Variants in STRN4 observed in about 807,000 individuals in gnomAD.
STRN4 encodes striatin-4.
Under a neutral mutation model 77.9 loss-of-function variants are expected in STRN4, and 27 were observed. That is an observed-to-expected ratio of 0.35 (90% CI 0.26 to 0.48). STRN4 has a LOEUF of 0.48. Ranked by LOEUF, STRN4 falls within the 20% of genes least tolerant of loss-of-function variation. STRN4 has a pLI of 0.99. For missense variants in STRN4, 798 were observed against 1,049.7 expected, an observed-to-expected ratio of 0.76 and a Z score of 3.31; for synonymous variants, 466 against 443.1, an observed-to-expected ratio of 1.05 and a Z score of -0.65.
chr19:46,736,816 C>T lies in STRN4; in HGVS notation c.539+7G>A. ...TGTCCCCAGCCCCCCTCCCCGAGCACACTCACTGTCGGAGAAGCTGCCGCC... is the reference window on the plus strand; with the variant it reads ...TGTCCCCAGCCCCCCTCCCCGAGCATACTCACTGTCGGAGAAGCTGCCGCC... On this transcript the variant is annotated splice_region_variant and intron_variant, in intron 4 of 17. Coordinates refer to ENST00000263280, the MANE Select transcript of STRN4 (RefSeq NM_013403.3). 6.2e-7 allele frequency: 1 copy of T among 1,612,152 alleles called. No individual in the cohort carries two copies. Among genetic ancestry groups the T allele is most frequent in the South Asian group, 1.1e-5 (1 of 90,794 alleles).
chr19:46,736,089 C>T (rs901419799), intron 4 of STRN4: 1 of 152,084 alleles, frequency 6.6e-6, no homozygotes. Context: ...GCCTGGCCAA[C>T]ATGCTGAAAC....
chr19:46,733,526 T>C lies in STRN4; in HGVS notation c.540-290A>G, dbSNP rs73565188. On this transcript the variant is annotated intron_variant, in intron 4 of 17. Coordinates refer to ENST00000263280, the MANE Select transcript of STRN4 (RefSeq NM_013403.3). The surrounding 1 kb of genome is among the most constrained non-coding windows in gnomAD (Gnocchi z 4.3). ...CACCGACAGGGGCTGTGTCAGCAAA[T>C]GACTCATAGCGCTGCAAGGCAGAAG... 13,821 of 396,818 alleles carry C rather than the reference T, an allele frequency of 0.035. 1,233 individuals carry two copies. The highest frequency in any genetic ancestry group is 0.22 in the African/African-American group (10,706 of 48,794). The allele number at this position is 396,818 out of a possible 1,614,324, so 24.6% of individuals were successfully genotyped here.
intron 16 of STRN4, 117 bp from the exon 17 acceptor site, chr19:46,720,888 C>T (rs2053961314): frequency 8.3e-7 from 1 of 1,199,042 alleles, no homozygotes; most frequent in South Asian, 1.9e-5. Flanking sequence ...CTCAACTCTC[C>T]TCTCTCACCC....
intron 4 of STRN4, 22 bp downstream of exon 4, chr19:46,736,801 C>T: frequency 1.2e-6 from 2 of 1,610,994 alleles, no homozygotes; most frequent in Non-Finnish European, 1.7e-6. Context: ...TGTCCCCAGC[C>T]CCCCTCCCCG....
chr19:46,727,217 C>T (rs921485331), intron 9 of STRN4, among the ~76,000 whole-genome samples: 5 of 152,190 alleles, frequency 3.3e-5, no homozygotes, highest in Admixed American at 2.6e-4. Flanking sequence ...TCCAAATCAC[C>T]AGGGTGGGAG....
intron 8 of STRN4, 145 bp downstream of exon 8, chr19:46,727,749 C>A (rs1313062901): frequency 2.5e-6 from 2 of 810,714 alleles, no homozygotes; most frequent in East Asian, 5.3e-5. Context: ...GGGAGACAGA[C>A]AGACAGACGA....
Position 46,746,245 on chromosome 19 carries a change from G to A in STRN4, c.186C>T (p.Pro62=), listed in dbSNP as rs755064179. 6 of 1,505,198 alleles carry A rather than the reference G, an allele frequency of 4.0e-6. No individual in the cohort carries two copies. Among genetic ancestry groups the A allele is most frequent in the South Asian group, 3.7e-5 (3 of 81,678 alleles). The allele number at this position is 1,505,198 out of a possible 1,614,324, so 93.2% of individuals were successfully genotyped here. The change falls in exon 1 of 18, where the codon CCC becomes CCT. Residue 62 remains proline (P), a synonymous_variant. Transcript: ENST00000263280. Reference sequence around the variant, plus strand: ...AGTGCAGGATCCCCGGCAGGCTCAGGGGCTCCGGGCCCGCCGTGGGCCCGG... The same window carrying A: ...AGTGCAGGATCCCCGGCAGGCTCAGAGGCTCCGGGCCCGCCGTGGGCCCGG... The part of the protein sequence containing the change: ...GSPGPTAGPE[P]LSLPGILHFI...
In STRN4 at chr19:46,725,510, T is replaced by C; in HGVS notation, c.1387A>G (p.Lys463Glu). The part of the protein sequence containing the change: ...LLTASEDGTL[K>E]LWNLQKAVTA... The stretch of plus-strand genomic sequence containing the variant: ...ACCGCCTTCTGCAGGTTCCAGAGCT[T>C]GAGCGTGCCGTCCTCGGAGGCGGTG... Residue 463 changes from lysine to glutamate, a missense_variant, in exon 10 of 18, where the codon AAG becomes GAG. Physicochemically the swap from Lys to Glu is moderately conservative, Grantham distance 56 (BLOSUM62 1). Transcript: ENST00000263280. 6.2e-7 allele frequency: 1 copy of C among 1,614,164 alleles called. No homozygotes were observed. The highest frequency in any genetic ancestry group is 8.5e-7 in the Non-Finnish European group (1 of 1,180,036).
In STRN4 at chr19:46,724,249, C is replaced by CAAAAAAAAAAAAAA. The variant is rs71970589; in HGVS notation, c.1594+544_1594+557dup. Reference sequence around the variant, plus strand: ...GGTGACAGAGTGAGACTCTTTGTCTCAAAAAAAAAAAAAAAAAAAAAAAAA... The same window carrying CAAAAAAAAAAAAAA: ...GGTGACAGAGTGAGACTCTTTGTCTCAAAAAAAAAAAAAAAAAAAAAAAAAAAAAAAAAAAAAAA... On this transcript the variant is annotated intron_variant, in intron 12 of 17. Transcript: ENST00000263280. Among the ~76,000 whole-genome samples the CAAAAAAAAAAAAAA allele has an allele frequency of 2.6e-3, 230 of 87,146 alleles. 15 individuals carry two copies. Among genetic ancestry groups the CAAAAAAAAAAAAAA allele is most frequent in the East Asian group, 0.013 (21 of 1,582 alleles). The allele number at this position is 87,146 out of a possible 152,430, so 57.2% of individuals were successfully genotyped here.
rs1440543829 is a variant in STRN4 at position 46,730,878 on chromosome 19, C to CAA, written c.738-7_738-6dup. ...CCATCTTTGCCTGCCGCGTTCCTGC[C>CAA]AAAGACAGCAGAGCAGAGGAGGCAT... On this transcript the variant is annotated splice_region_variant and splice_polypyrimidine_tract_variant and intron_variant, in intron 5 of 17. Coordinates refer to ENST00000263280, the MANE Select transcript of STRN4 (RefSeq NM_013403.3). The CAA allele has an allele frequency of 1.2e-6, 2 of 1,610,042 alleles. No individual in the cohort carries two copies. The highest frequency in any genetic ancestry group is 3.3e-5 in the Admixed American group (2 of 60,014).
chr19:46,721,736 G>A, intron 16 of STRN4: 1 of 486,488 alleles, frequency 2.1e-6, no homozygotes, highest in Non-Finnish European at 3.8e-6. Context: ...GCCCACATCT[G>A]TAAACTGGGG....
At chr19:46,737,952 A>T (rs905695695) in intron 3 of STRN4, among the ~76,000 whole-genome samples, 2 of 151,798 alleles carry the variant, frequency 1.3e-5, no homozygotes, top group African/African-American at 4.8e-5. Flanking sequence ...GCACAGGGGG[A>T]CCCAAGCGGG....
Position 46,735,435 on chromosome 19 carries a change from T to C in STRN4, c.539+1388A>G, listed in dbSNP as rs1323116695. Among the ~76,000 whole-genome samples, 7 of 152,216 alleles carry C rather than the reference T, an allele frequency of 4.6e-5. No individual in the cohort carries two copies. In the East Asian group the frequency reaches 1.4e-3, roughly 30 times the overall value. ...TCACTTGAGCTCAGATCAAGCCTGC[T>C]GTGGGCTCTGACTGCACCACTGTAC... On this transcript the variant is annotated intron_variant, in intron 4 of 17. Coordinates refer to ENST00000263280, the MANE Select transcript of STRN4 (RefSeq NM_013403.3).
chr19:46,735,495 A>AT (rs1434610728), intron 4 of STRN4, among the ~76,000 whole-genome samples: 1 of 152,070 alleles, frequency 6.6e-6, no homozygotes. Context: ...TTATTTATTT[A>AT]TTAAGATAAC....
At chr19:46,730,969 G>C in intron 5 of STRN4, 96 bp from the exon 6 acceptor site, 3 of 1,548,500 alleles carry the variant, frequency 1.9e-6, no homozygotes, top group Non-Finnish European at 2.6e-6. Context: ...CCAGAGCCCA[G>C]ACCCAGCTAA....
chr19:46,720,885 C>T, intron 16 of STRN4, 114 bp from the exon 17 acceptor site: 1 of 1,257,134 alleles, frequency 8.0e-7, no homozygotes, highest in Non-Finnish European at 1.1e-6. Context: ...GGGCTCAACT[C>T]TCCTCTCTCA....
Position 46,737,901 on chromosome 19 carries a change from GC to G in STRN4, c.460+262del, listed in dbSNP as rs1163506713. Among the ~76,000 whole-genome samples the G allele has an allele frequency of 2.0e-5, 3 of 152,204 alleles. No homozygotes were observed. The East Asian group carries it at 5.8e-4, about 29-fold the overall frequency. On this transcript the variant is annotated intron_variant, in intron 3 of 17. Coordinates refer to ENST00000263280, the MANE Select transcript of STRN4 (RefSeq NM_013403.3). ...TAAATAGCCCTGGCGCCCACTCCTC[GC>G]AAAGGGATCCCGTGAGCTGCTCGTG...
At chr19:46,737,985 G>A (rs915970853) in intron 3 of STRN4, among the ~76,000 whole-genome samples, 179 bp downstream of exon 3, 5 of 152,056 alleles carry the variant, frequency 3.3e-5, no homozygotes, top group East Asian at 1.9e-4. Context: ...GGTCCAGCAC[G>A]GGACCTGGCA....
chr19:46,727,395 G>C (rs2054142115), intron 9 of STRN4, 57 bp downstream of exon 9: 18 of 1,461,402 alleles, frequency 1.2e-5, no homozygotes, highest in Non-Finnish European at 1.7e-5. Context: ...GCTTGCAGGG[G>C]CTGGCCCTGG....
Sources: gnomAD v4.1 joint callset for allele counts (sites outside exome capture counted in the v4.1 genomes callset) on GRCh38, gnomAD v4.1.1 for gene constraint, Gnocchi (gnomAD v3.1) non-coding constraint, MANE v1.5 for transcripts, NCBI Gene and HGNC (gene_info 2026-07-23, HGNC 2026-07-21) for gene names.